The following IGDCC4 variants were observed in gnomAD, a reference collection of about 807,000 sequenced individuals.
IGDCC4 encodes immunoglobulin superfamily DCC subclass member 4.
A neutral mutation model predicts 116.6 loss-of-function variants in IGDCC4; 72 were observed. The ratio of observed to expected loss-of-function variants is 0.62; its 90% CI spans 0.51 to 0.75. IGDCC4 has a LOEUF of 0.75. Ranked by LOEUF, IGDCC4 falls within the 30% of genes least tolerant of loss-of-function variation. The pLI, the probability that IGDCC4 is intolerant of heterozygous loss-of-function variation, is 0.00. For synonymous variants in IGDCC4, 709 were observed against 719.9 expected, an observed-to-expected ratio of 0.98 and a Z score of 0.24; for missense variants, 1,501 against 1,662.4, an observed-to-expected ratio of 0.90 and a Z score of 1.69.
At chr15:65,385,599 T>C in intron 18 of IGDCC4, 1 of 616,764 alleles carries the variant, frequency 1.6e-6, no homozygotes, top group Non-Finnish European at 2.9e-6. Context: ...CTGGGTCACC[T>C]GCTGGGAGGC....
At chr15:65,408,205 C>T (rs1199830592) in intron 3 of IGDCC4, among the ~76,000 whole-genome samples, 1 of 152,180 alleles carries the variant, frequency 6.6e-6, no homozygotes, top group African/African-American at 2.4e-5. Context: ...AGGCTCAGCA[C>T]GTGCCTGGCC....
At position 65,385,848 on chromosome 15, in the gene IGDCC4, T is replaced by G; in HGVS notation, c.3163A>C (p.Ser1055Arg). 1 of 1,612,460 alleles carries G rather than the reference T, an allele frequency of 6.2e-7. No individual in the cohort carries two copies. Among genetic ancestry groups the G allele is most frequent in the Non-Finnish European group, 8.5e-7 (1 of 1,179,902 alleles). The change falls in exon 18 of 20, where the codon AGT becomes CGT. Residue 1055 changes from serine (S) to arginine (R), a missense_variant. This residue lies in a region of IGDCC4 where 368 missense variants were observed against 355.6 expected (regional missense o/e 1.03). Transcript: ENST00000352385. ...TGACTTACCTTTCTTTTGGAGTGACTCCGGCCTTCAGAAACACCGCCACCC... is the reference window on the plus strand; with the variant it reads ...TGACTTACCTTTCTTTTGGAGTGACGCCGGCCTTCAGAAACACCGCCACCC... Reference protein sequence around the residue: ...LMGGGVSEGRSHSKRKISWAQ... With the variant: ...LMGGGVSEGRRHSKRKISWAQ...
Position 65,383,134 on chromosome 15 carries a change from G to A in IGDCC4, c.*875C>T, listed in dbSNP as rs1414361793. On this transcript the variant is annotated 3_prime_UTR_variant, in exon 20 of 20. Transcript: ENST00000352385. The stretch of plus-strand genomic sequence containing the variant: ...GCGCGGCAGCCGCGGATACAGGAAG[G>A]GCACGGGGGCCTTGAAGCAGACATG... 1 of 152,164 alleles carries A rather than the reference G, an allele frequency of 6.6e-6. No individual in the cohort carries two copies. The highest frequency in any genetic ancestry group is 1.5e-5 in the Non-Finnish European group (1 of 68,270). The allele number at this position is 152,164 out of a possible 1,614,324, so 9.4% of individuals were successfully genotyped here.
At chr15:65,390,015 G>A in intron 13 of IGDCC4, 140 bp downstream of exon 13, 1 of 710,796 alleles carries the variant, frequency 1.4e-6, no homozygotes, top group South Asian at 2.4e-5. Flanking sequence ...CCCTCTGTGT[G>A]GCCTCAGCGT....
At chr15:65,419,811 C>T (rs866019879) in intron 1 of IGDCC4, among the ~76,000 whole-genome samples, 8 of 152,312 alleles carry the variant, frequency 5.3e-5, no homozygotes, top group South Asian at 4.1e-4. Flanking sequence ...AAGAACAGAG[C>T]TCGGCTTCTC....
intron 5 of IGDCC4, among the ~76,000 whole-genome samples, chr15:65,398,733 T>C (rs968261776): frequency 4.6e-5 from 7 of 151,318 alleles, no homozygotes; most frequent in Admixed American, 2.6e-4. Flanking sequence ...CTACTAAAAA[T>C]ACAAACCATT....
intron 14 of IGDCC4, 131 bp downstream of exon 14, chr15:65,389,153 T>G: frequency 7.6e-7 from 1 of 1,311,710 alleles, no homozygotes; most frequent in African/African-American, 1.5e-5. Flanking sequence ...TTAACATTCC[T>G]CCCCTCCCAG....
At position 65,385,970 on chromosome 15, in the gene IGDCC4, G is replaced by A. The variant is rs1431217953; in HGVS notation, c.3041C>T (p.Ala1014Val). 6.3e-7 allele frequency: 1 copy of A among 1,582,510 alleles called. No homozygotes were observed. Among genetic ancestry groups the A allele is most frequent in the African/African-American group, 1.4e-5 (1 of 73,600 alleles). The change falls in exon 18 of 20, where the codon GCT (alanine) becomes GTT (valine). Residue 1014 changes from alanine (A) to valine (V), a missense_variant. Around this residue, in one of 3 missense-constraint regions of IGDCC4, gnomAD observed 368 missense variants for 355.6 expected, o/e 1.03. Coordinates refer to ENST00000352385, the MANE Select transcript of IGDCC4 (RefSeq NM_020962.3). ...CACAAGGGACTCCAATTCATGGGCA[G>A]CTGGGGGGCTGGGGGGGCCAAGCCG... is the stretch of plus-strand genomic sequence containing the variant. ...RARLGPPSPP[A>V]AHELESLVHP...
rs556595818 is a variant in IGDCC4, at chr15:65,409,808, G to A, written c.563+370C>T. On this transcript the variant is annotated intron_variant, in intron 3 of 19. Transcript: ENST00000352385. ...AAGAGAAAACCTTCCCAGCAGCCTCGGGGAGCCCTCAACAGACAACCAACA... is the reference window on the plus strand; with the variant it reads ...AAGAGAAAACCTTCCCAGCAGCCTCAGGGAGCCCTCAACAGACAACCAACA... Among the ~76,000 whole-genome samples the A allele has an allele frequency of 9.9e-5, 15 of 152,272 alleles. 1 individual carries two copies. Among genetic ancestry groups the A allele is most frequent in the East Asian group, 1.9e-4 (1 of 5,178 alleles).
At chr15:65,410,756 C>A in intron 2 of IGDCC4, 1 of 516,368 alleles carries the variant, frequency 1.9e-6, no homozygotes, top group Non-Finnish European at 3.4e-6. Context: ...CCCTGGAGGA[C>A]AGCACAAGCC....
At position 65,386,652 on chromosome 15, in the gene IGDCC4, C is replaced by T. The variant is rs572176957; in HGVS notation, c.2850G>A (p.Ser950=). 44 of 1,609,916 alleles carry T rather than the reference C, an allele frequency of 2.7e-5. No homozygotes were observed. The highest frequency in any genetic ancestry group is 4.5e-5 in the East Asian group (2 of 44,786). Residue 950 remains serine, a synonymous_variant, in exon 17 of 20, where the codon TCG becomes TCA. Transcript: ENST00000352385. ...TGCCCGTGACTGAGTGCATGTCCAG[C>T]GAGTCTGGTGGGGGAGAGAGAGGCA... is the stretch of plus-strand genomic sequence containing the variant. ...VITLQEKLSD[S]LDMHSVTGII...
chr15:65,401,161 C>T (rs1316795455), intron 4 of IGDCC4, among the ~76,000 whole-genome samples: 3 of 152,210 alleles, frequency 2.0e-5, no homozygotes, highest in Non-Finnish European at 4.4e-5. Flanking sequence ...TAGGCTTCAA[C>T]TCAGCACCAG....
chr15:65,383,200 C>T lies in IGDCC4; in HGVS notation c.*809G>A, dbSNP rs1280411521. On this transcript the variant is annotated 3_prime_UTR_variant, in exon 20 of 20. Coordinates refer to ENST00000352385, the MANE Select transcript of IGDCC4 (RefSeq NM_020962.3). ...TAGAGAAGGATGCAGAGTTTGAACC[C>T]AGGCAGGAGAACAAGATGACATAGT... 2 of 153,018 alleles carry T rather than the reference C, an allele frequency of 1.3e-5. No individual in the cohort carries two copies. The highest frequency in any genetic ancestry group is 2.4e-5 in the African/African-American group (1 of 41,554). The allele number at this position is 153,018 out of a possible 1,614,324, so 9.5% of individuals were successfully genotyped here. A position where few individuals can be genotyped will look rare whatever the true frequency, so the allele number is the denominator to read the frequency against.
At chr15:65,391,722 G>C (rs150887821) in intron 12 of IGDCC4, among the ~76,000 whole-genome samples, 158 bp downstream of exon 12, 7 of 152,144 alleles carry the variant, frequency 4.6e-5, no homozygotes, top group African/African-American at 7.2e-5. Flanking sequence ...GCTCTCTGGA[G>C]CTAAAAGAGG....
chr15:65,412,384 C>A (rs966459888), intron 1 of IGDCC4, among the ~76,000 whole-genome samples: 6 of 151,354 alleles, frequency 4.0e-5, no homozygotes, highest in Non-Finnish European at 8.8e-5. Flanking sequence ...TGGTGGCACG[C>A]ACCTGTAATC....
chr15:65,396,532 A>C, intron 6 of IGDCC4: 1 of 562,044 alleles, frequency 1.8e-6, no homozygotes. Flanking sequence ...CAGTTTTCTT[A>C]GTACCACTCA....
intron 3 of IGDCC4, among the ~76,000 whole-genome samples, chr15:65,405,487 C>T (rs1213272714): frequency 6.6e-6 from 1 of 152,206 alleles, no homozygotes; most frequent in East Asian, 1.9e-4. Flanking sequence ...AAGTGACATT[C>T]TGTATCTGGG....
chr15:65,414,663 C>T (rs1284293068), intron 1 of IGDCC4, among the ~76,000 whole-genome samples: 1 of 152,168 alleles, frequency 6.6e-6, no homozygotes, highest in Non-Finnish European at 1.5e-5. Context: ...TTTGTTCTTG[C>T]GACAGTTGTG....
intron 5 of IGDCC4, among the ~76,000 whole-genome samples, chr15:65,399,754 A>C (rs1256087521): frequency 6.6e-6 from 1 of 152,090 alleles, no homozygotes; most frequent in African/African-American, 2.4e-5. Flanking sequence ...TGTTCAATTT[A>C]TTTTCTTTAA....
Sources: allele counts gnomAD v4.1 joint callset (sites outside exome capture counted in the v4.1 genomes callset), GRCh38; gene constraint gnomAD v4.1.1; regional missense constraint gnomAD v4.1.1; transcripts MANE v1.5; gene names NCBI Gene and HGNC (gene_info 2026-07-23, HGNC 2026-07-21).